UBE2K: variants seen among roughly 807,000 people sequenced by gnomAD.
The protein encoded by UBE2K is ubiquitin-conjugating enzyme E2 K.
In UBE2K, 6 loss-of-function variants were observed where a neutral mutation model predicts 30.0. The observed-to-expected ratio is 0.20, with a 90% CI of 0.11 to 0.39. UBE2K has a LOEUF of 0.39. Ranked by LOEUF, UBE2K falls within the 10% of genes least tolerant of loss-of-function variation. UBE2K has a pLI of 1.00. For missense variants in UBE2K, 61 were observed against 241.6 expected (o/e 0.25, Z 4.96); for synonymous variants, 86 against 83.7 (o/e 1.03, Z -0.15).
intron 1 of UBE2K, among the ~76,000 whole-genome samples, chr4:39,706,636 A>T (rs535387786): frequency 7.3e-5 from 11 of 150,986 alleles, no homozygotes; most frequent in East Asian, 5.9e-4. Context: ...CGCCCAGCCA[A>T]TTTTTTATAT....
At position 39,778,050 on chromosome 4, in the gene UBE2K, G is replaced by A. The variant is rs138597029; in HGVS notation, c.528+240G>A. ...GAGGTCGAGGCTGCAGTGAGCGATA[G>A]TCATGCCACTGCACTCCAGCCTTGG... On this transcript the variant is annotated intron_variant, in intron 6 of 6. Transcript: ENST00000261427. Among the ~76,000 whole-genome samples, 958 of 120,332 alleles carry A rather than the reference G, an allele frequency of 8.0e-3. 18 individuals are homozygous for A. Among genetic ancestry groups the A allele is most frequent in the African/African-American group, 0.029 (901 of 31,004 alleles). The allele number at this position is 120,332 out of a possible 152,430, so 78.9% of individuals were successfully genotyped here. A position where few individuals can be genotyped will look rare whatever the true frequency, so the allele number is the denominator to read the frequency against.
chr4:39,708,855 A>G (rs1026865551), intron 1 of UBE2K, among the ~76,000 whole-genome samples: 12 of 151,734 alleles, frequency 7.9e-5, no homozygotes, highest in African/African-American at 2.4e-4. Context: ...TTCATAAATG[A>G]TAGTATAAAA....
At chr4:39,766,556 A>T (rs1392853055) in intron 4 of UBE2K, among the ~76,000 whole-genome samples, 1 of 151,822 alleles carries the variant, frequency 6.6e-6, no homozygotes, top group Non-Finnish European at 1.5e-5. Flanking sequence ...ATGATTTGGA[A>T]ATATTTTCTC....
intron 1 of UBE2K, among the ~76,000 whole-genome samples, chr4:39,727,927 C>T (rs1719843973): frequency 6.6e-6 from 1 of 151,858 alleles, no homozygotes; most frequent in African/African-American, 2.4e-5. Context: ...GTCAGGAGTT[C>T]GAGACCAGCC....
intron 5 of UBE2K, 57 bp from the exon 6 acceptor site, chr4:39,777,625 A>G: frequency 7.0e-7 from 1 of 1,435,384 alleles, no homozygotes; most frequent in Non-Finnish European, 9.2e-7. Context: ...TAAGAGCTGA[A>G]ATATATCAAA....
At chr4:39,724,788 T>C (rs1376381028) in intron 1 of UBE2K, among the ~76,000 whole-genome samples, 1 of 150,494 alleles carries the variant, frequency 6.6e-6, no homozygotes, top group Non-Finnish European at 1.5e-5. Context: ...AAAAAAATGC[T>C]GGGCATGTTT....
At chr4:39,764,383 A>AT (rs1026256085) in intron 4 of UBE2K, among the ~76,000 whole-genome samples, 3 of 145,544 alleles carry the variant, frequency 2.1e-5, no homozygotes, top group Non-Finnish European at 3.0e-5. Flanking sequence ...GCAGCTCTAG[A>AT]TTTTTTTTCA....
chr4:39,730,386 A>T (rs940707493), intron 1 of UBE2K, among the ~76,000 whole-genome samples: 1 of 152,006 alleles, frequency 6.6e-6, no homozygotes, highest in Admixed American at 6.6e-5. Context: ...GAGTTTCACT[A>T]TATGGCCCAG....
intron 3 of UBE2K, among the ~76,000 whole-genome samples, chr4:39,753,826 G>C (rs1721393210): frequency 6.6e-6 from 1 of 152,178 alleles, no homozygotes; most frequent in Non-Finnish European, 1.5e-5. Context: ...GCCAGGTTAA[G>C]AGTGTGGGCT....
intron 4 of UBE2K, chr4:39,770,176 C>T (rs1418644797): frequency 3.1e-6 from 5 of 1,608,510 alleles, no homozygotes. Flanking sequence ...CGCCTAATGG[C>T]AGGCTTGTGG....
chr4:39,699,748 G>A (rs1717903238), intron 1 of UBE2K, among the ~76,000 whole-genome samples: 2 of 152,080 alleles, frequency 1.3e-5, no homozygotes, highest in Non-Finnish European at 2.9e-5. Flanking sequence ...AGTATACATG[G>A]AGAAAAAATT....
At chr4:39,738,783 T>G (rs1578458890) in intron 2 of UBE2K, among the ~76,000 whole-genome samples, 1 of 152,132 alleles carries the variant, frequency 6.6e-6, no homozygotes, top group East Asian at 1.9e-4. Context: ...AATCAAGTGA[T>G]TCTCCTGCCT....
At chr4:39,719,358 A>G (rs755977585) in intron 1 of UBE2K, among the ~76,000 whole-genome samples, 56 of 152,238 alleles carry the variant, frequency 3.7e-4, no homozygotes, top group Admixed American at 1.4e-3. Flanking sequence ...AATTGTACAT[A>G]TGTCCTTCTA....
intron 4 of UBE2K, chr4:39,771,194 C>T: frequency 1.9e-6 from 3 of 1,613,000 alleles, no homozygotes; most frequent in Non-Finnish European, 2.5e-6. Flanking sequence ...AGCAGGTCGG[C>T]CACGATGCGT....
At chr4:39,777,532 T>A (rs1713346978) in intron 5 of UBE2K, 150 bp from the exon 6 acceptor site, 1 of 657,046 alleles carries the variant, frequency 1.5e-6, no homozygotes, top group Non-Finnish European at 2.3e-6. Context: ...TTTTCTCGAG[T>A]GACATAGGTT....
chr4:39,717,269 T>C (rs531403992), intron 1 of UBE2K, among the ~76,000 whole-genome samples: 1 of 151,878 alleles, frequency 6.6e-6, no homozygotes, highest in Admixed American at 6.6e-5. Flanking sequence ...ACTCTCGCTA[T>C]ATCGCCCAGG....
intron 1 of UBE2K, 129 bp from the exon 2 acceptor site, chr4:39,737,291 C>T (rs1720430413): frequency 2.1e-6 from 1 of 486,482 alleles, no homozygotes; most frequent in Middle Eastern, 5.4e-4. Context: ...CCTAGAAAAG[C>T]CGAGACTTAT....
intron 4 of UBE2K, among the ~76,000 whole-genome samples, chr4:39,767,964 G>A (rs1369494652): frequency 6.6e-6 from 1 of 152,054 alleles, no homozygotes; most frequent in Non-Finnish European, 1.5e-5. Flanking sequence ...CTTAAGTGTT[G>A]TATATTTCAT....
intron 1 of UBE2K, 54 bp downstream of exon 1, chr4:39,698,444 T>G (rs1027600868): frequency 6.5e-7 from 1 of 1,540,624 alleles, no homozygotes; most frequent in African/African-American, 1.4e-5. Context: ...GGGAGGGTCC[T>G]CCCAGCTGCG....
Sources: allele counts gnomAD v4.1 joint callset (sites outside exome capture counted in the v4.1 genomes callset), GRCh38; gene constraint gnomAD v4.1.1; transcripts MANE v1.5; gene names NCBI Gene and HGNC (gene_info 2026-07-23, HGNC 2026-07-21).